Variants in ADGRB3 observed in about 807,000 individuals in gnomAD.
ADGRB3 encodes the protein brain-specific angiogenesis inhibitor 3.
In ADGRB3, 37 loss-of-function variants were observed where a neutral mutation model predicts 193.4. The ratio of observed to expected loss-of-function variants is 0.19; its 90% CI spans 0.15 to 0.25. ADGRB3 has a LOEUF of 0.25. Ranked by LOEUF, ADGRB3 falls within the 10% of genes least tolerant of loss-of-function variation. The pLI is 1.00. For synonymous variants in ADGRB3, 690 were observed against 644.2 expected (o/e 1.07, Z -1.08); for missense variants, 1,637 against 1,852.9 (o/e 0.88, Z 2.14).
At chr6:68,975,389 T>C in intron 10 of ADGRB3, 49 bp downstream of exon 10, 1 of 1,411,836 alleles carries the variant, frequency 7.1e-7, no homozygotes, top group Non-Finnish European at 1.0e-6. Flanking sequence ...TTTTTGCTAA[T>C]GATCACTGTG....
intron 3 of ADGRB3, among the ~76,000 whole-genome samples, chr6:68,910,428 A>C (rs537984274): frequency 6.6e-6 from 1 of 152,082 alleles, no homozygotes; most frequent in Non-Finnish European, 1.5e-5. Flanking sequence ...CCATTTGTCA[A>C]TTTTGGCTTT....
At chr6:69,346,401 T>A (rs1182577060) in intron 26 of ADGRB3, among the ~76,000 whole-genome samples, 2 of 152,032 alleles carry the variant, frequency 1.3e-5, no homozygotes, top group Non-Finnish European at 2.9e-5. Context: ...TATAGACTAA[T>A]GGAACAGAAC....
chr6:68,656,611 G>A (rs1176777203), intron 3 of ADGRB3, among the ~76,000 whole-genome samples: 2 of 151,546 alleles, frequency 1.3e-5, no homozygotes, highest in African/African-American at 4.8e-5. Flanking sequence ...GTCCTTTGAT[G>A]ATAAATATCA....
intron 3 of ADGRB3, among the ~76,000 whole-genome samples, chr6:68,765,417 A>C (rs1269711707): frequency 6.6e-6 from 1 of 152,108 alleles, no homozygotes. Context: ...AAGACATTTT[A>C]TCCGCCTATT....
chr6:68,998,745 AT>A (rs1246195883), intron 11 of ADGRB3, among the ~76,000 whole-genome samples: 3 of 152,226 alleles, frequency 2.0e-5, no homozygotes, highest in African/African-American at 7.2e-5. Flanking sequence ...CATTATCACC[AT>A]TTTCAACTAG....
At chr6:69,087,105 C>G (rs1772573022) in intron 17 of ADGRB3, among the ~76,000 whole-genome samples, 1 of 152,066 alleles carries the variant, frequency 6.6e-6, no homozygotes. Flanking sequence ...CTAACTTGAG[C>G]CTACACTAAA....
intron 20 of ADGRB3, 92 bp from the exon 21 acceptor site, chr6:69,324,780 C>T (rs1768532946): frequency 1.2e-5 from 17 of 1,369,174 alleles, no homozygotes; most frequent in Middle Eastern, 1.9e-4. Context: ...GAAATAAAAG[C>T]AATGAATCAG....
chr6:68,774,488 C>G (rs1468022746), intron 3 of ADGRB3, among the ~76,000 whole-genome samples: 2 of 151,186 alleles, frequency 1.3e-5, no homozygotes. Context: ...TTAATAACCC[C>G]CAAATGAAAC....
chr6:68,899,311 T>G (rs1226803506), intron 3 of ADGRB3, among the ~76,000 whole-genome samples: 1 of 152,164 alleles, frequency 6.6e-6, no homozygotes, highest in East Asian at 1.9e-4. Context: ...TTTATTATAC[T>G]TTAAATTTTA....
chr6:69,111,482 G>A (rs560181404), intron 17 of ADGRB3, among the ~76,000 whole-genome samples: 13 of 152,248 alleles, frequency 8.5e-5, no homozygotes, highest in South Asian at 4.1e-4. Flanking sequence ...ATGACCTTAG[G>A]GAACAAGCAT....
At chr6:68,817,307 GTATATATATATATATATATATATA>G (rs60723627) in intron 3 of ADGRB3, among the ~76,000 whole-genome samples, 535 of 44,184 alleles carry the variant, frequency 0.012, 18 homozygotes, top group African/African-American at 0.026. Flanking sequence ...TTTTGTCCAT[GTATATATATATATATATATATATA>G]TATATATATA....
intron 3 of ADGRB3, among the ~76,000 whole-genome samples, chr6:68,735,731 T>A (rs2127336153): frequency 6.6e-6 from 1 of 152,182 alleles, no homozygotes; most frequent in South Asian, 2.1e-4. Flanking sequence ...CTTATGGCAT[T>A]AGACTGAATT....
chr6:69,063,620 G>C (rs1171143857), intron 16 of ADGRB3, among the ~76,000 whole-genome samples: 1 of 152,002 alleles, frequency 6.6e-6, no homozygotes, highest in East Asian at 1.9e-4. Flanking sequence ...TGGGTAGCGT[G>C]TAGAAATACT....
chr6:68,937,936 T>A (rs1370518423), intron 5 of ADGRB3, among the ~76,000 whole-genome samples: 3 of 151,938 alleles, frequency 2.0e-5, no homozygotes, highest in Non-Finnish European at 4.4e-5. Flanking sequence ...TTTATCACAA[T>A]AAAAAAGGAC....
At chr6:69,362,987 T>G (rs1011340703) in intron 29 of ADGRB3, among the ~76,000 whole-genome samples, 1 of 152,018 alleles carries the variant, frequency 6.6e-6, no homozygotes, top group Non-Finnish European at 1.5e-5. Flanking sequence ...TGTGGCTCTT[T>G]TAAATGTGTT....
At chr6:69,234,715 AT>A (rs1210378803) in intron 18 of ADGRB3, among the ~76,000 whole-genome samples, 2 of 152,162 alleles carry the variant, frequency 1.3e-5, no homozygotes, top group African/African-American at 4.8e-5. Context: ...GGTAGAGAAA[AT>A]TTAACATGTG....
rs151046767 is a variant in ADGRB3 at position 69,370,586 on chromosome 6, A to G, written c.4240-1820A>G. 6.9e-3 allele frequency among the ~76,000 whole-genome samples: 1,057 copies of G among 152,204 alleles called. 5 individuals carry two copies. The highest frequency in any genetic ancestry group is 0.024 in the African/African-American group (989 of 41,530). ...GTATGAGTGTATCCATTTTCCTTCC[A>G]TATTTCACATTGACATACCTGCTCT... On this transcript the variant is annotated intron_variant, in intron 29 of 31. Coordinates refer to ENST00000370598, the MANE Select transcript of ADGRB3 (RefSeq NM_001704.3).
chr6:68,726,109 C>T (rs1437532779), intron 3 of ADGRB3, among the ~76,000 whole-genome samples: 1 of 151,590 alleles, frequency 6.6e-6, no homozygotes, highest in Admixed American at 6.6e-5. Context: ...TGGAGGGTTA[C>T]TGTTTACTTT....
At chr6:69,068,302 G>A (rs1192133647) in intron 16 of ADGRB3, among the ~76,000 whole-genome samples, 1 of 152,060 alleles carries the variant, frequency 6.6e-6, no homozygotes, top group East Asian at 1.9e-4. Context: ...CATATAATTA[G>A]TATTAGGACA....
Sources: allele counts gnomAD v4.1 joint callset (sites outside exome capture counted in the v4.1 genomes callset), GRCh38; gene constraint gnomAD v4.1.1; transcripts MANE v1.5; gene names NCBI Gene and HGNC (gene_info 2026-07-23, HGNC 2026-07-21).